The following CEP72 variants were observed in gnomAD, a reference collection of about 807,000 sequenced individuals.
CEP72 encodes the protein centrosomal protein of 72 kDa.
CEP72 carries 78 observed loss-of-function variants against 65.7 expected under a neutral mutation model. The observed-to-expected ratio is 1.19, with a 90% CI of 0.99 to 1.43. The LOEUF (loss-of-function observed/expected upper bound fraction) is 1.43, where lower values mean the gene tolerates loss of function less well. CEP72 is among the 40% of genes most tolerant of loss of function. CEP72 has a pLI of 0.00. For missense variants in CEP72, 914 were observed against 832.9 expected, an observed-to-expected ratio of 1.10 and a Z score of -1.20; for synonymous variants, 358 against 351.7, an observed-to-expected ratio of 1.02 and a Z score of -0.20.
At chr5:667,321 A>G (rs896167066), downstream of CEP72, among the ~76,000 whole-genome samples, 44 of 151,682 alleles carry the variant, frequency 2.9e-4, no homozygotes, top group South Asian at 1.0e-3. Context: ...GCCAGAGAGA[A>G]AGGACTGTTT....
downstream of CEP72, among the ~76,000 whole-genome samples, chr5:667,508 G>T (rs941747432): frequency 1.3e-5 from 2 of 152,162 alleles, no homozygotes; most frequent in African/African-American, 4.8e-5. Flanking sequence ...GTTAGGCGAA[G>T]ATTTCTTAGA....
At chr5:669,680 T>TC (rs1404835135), downstream of CEP72, among the ~76,000 whole-genome samples, 1 of 151,374 alleles carries the variant, frequency 6.6e-6, no homozygotes, top group African/African-American at 2.4e-5. Flanking sequence ...GCTGAGGGGC[T>TC]CCCCCATCAG....
intron 4 of CEP72, among the ~76,000 whole-genome samples, chr5:628,687 G>A (rs1339832576): frequency 7.9e-5 from 6 of 75,508 alleles, no homozygotes; most frequent in East Asian, 4.4e-4. Context: ...TCAGGTCACA[G>A]GCCCCGGGGA....
rs554790415 is a variant in CEP72 at position 640,743 on chromosome 5, C to T, written c.1539+139C>T. ...CAGCCCCATGTCTCCACTCCCTGCC[C>T]GGGACCCGGCCACCCCCGGAACGCG... On this transcript the variant is annotated intron_variant, in intron 9 of 11. Transcript: ENST00000264935. The T allele has an allele frequency of 2.2e-5, 31 of 1,436,906 alleles. No individual in the cohort carries two copies. The South Asian group carries it at 3.0e-4, about 14-fold the overall frequency. 89.0% of individuals were successfully genotyped at this position (1,436,906 alleles called of 1,614,324 possible). A position where few individuals can be genotyped will look rare whatever the true frequency, so the allele number is the denominator to read the frequency against.
chr5:637,595 C>T lies in CEP72; in HGVS notation c.983C>T (p.Ala328Val), dbSNP rs758151630. 1.2e-6 allele frequency: 2 copies of T among 1,614,004 alleles called. No homozygotes were observed. Among genetic ancestry groups the T allele is most frequent in the South Asian group, 2.2e-5 (2 of 91,086 alleles). ...GAAATGGTGCCTGGTCCCCTGCCAG[C>T]CCCCGGAAAGTGCAGGAAGCGAAGA... ...SGEMVPGPLP[A>V]PGKCRKRRMP... The change falls in exon 7 of 12, where the codon GCC becomes GTC. Residue 328 changes from alanine (A) to valine (V), a missense_variant. Coordinates refer to ENST00000264935, the MANE Select transcript of CEP72 (RefSeq NM_018140.4).
At position 652,979 on chromosome 5, in the gene CEP72, G is replaced by T; in HGVS notation, c.1779-9G>T. The T allele has an allele frequency of 6.3e-7, 1 of 1,599,090 alleles. No homozygotes were observed. The highest frequency in any genetic ancestry group is 1.1e-5 in the South Asian group (1 of 89,114). On this transcript the variant is annotated splice_polypyrimidine_tract_variant and intron_variant, in intron 11 of 11. Coordinates refer to ENST00000264935, the MANE Select transcript of CEP72 (RefSeq NM_018140.4). ...AGTGCCAAGCAGCCGCTTCCCTGTT[G>T]TTCTGCAGCTCCCTGGTCAGCACCA... is the stretch of plus-strand genomic sequence containing the variant.
In CEP72 at chr5:633,925, G is replaced by C. The variant is rs529498154; in HGVS notation, c.669G>C (p.Glu223Asp). Residue 223 changes from glutamate to aspartate, a missense_variant, in exon 5 of 12, where the codon GAG becomes GAC. Transcript: ENST00000264935. The stretch of plus-strand genomic sequence containing the variant: ...CGAGCTTCAGCCAGAAGGGGCGTGA[G>C]GCCGACTCTCGTGGTTCCCAAGGTG... ...GSTSFSQKGR[E>D]ADSRGSQESR... 1.2e-5 allele frequency: 20 copies of C among 1,612,546 alleles called. No homozygotes were observed. In the East Asian group the frequency reaches 4.0e-4, roughly 32 times the overall value.
At chr5:643,554 G>C (rs1000456376) in intron 9 of CEP72, 1 of 985,388 alleles carries the variant, frequency 1.0e-6, no homozygotes, top group East Asian at 1.1e-4. Flanking sequence ...CCCCCAGCAC[G>C]AGGCTTCTGC....
At chr5:622,004 C>T (rs1174204870) in intron 3 of CEP72, among the ~76,000 whole-genome samples, 1 of 152,224 alleles carries the variant, frequency 6.6e-6, no homozygotes, top group Non-Finnish European at 1.5e-5. Flanking sequence ...GAACTCCTGG[C>T]CTCAAGTCAT....
chr5:634,564 C>T (rs1212952566), intron 5 of CEP72, among the ~76,000 whole-genome samples: 1 of 152,228 alleles, frequency 6.6e-6, no homozygotes, highest in Non-Finnish European at 1.5e-5. Flanking sequence ...CTTGCCGGCA[C>T]TGGGAGCTGA....
the CEP72 span, among the ~76,000 whole-genome samples, chr5:673,891 C>T: frequency 3.9e-5 from 6 of 152,246 alleles, no homozygotes; most frequent in Non-Finnish European, 2.9e-5. Context: ...AAATGAGCCA[C>T]AGCCACCCAG....
chr5:641,695 C>G, intron 9 of CEP72: 6 of 984,838 alleles, frequency 6.1e-6, no homozygotes, highest in Non-Finnish European at 7.2e-6. Context: ...GGTCCCCATC[C>G]CCCGTCCAGA....
chr5:666,015 C>G, exon 4 of CEP72: 1 of 1,578,366 alleles, frequency 6.3e-7, no homozygotes, highest in Non-Finnish European at 8.6e-7. Flanking sequence ...TGAGCCTGTG[C>G]ACCTCGCGAA....
chr5:656,631 C>T (rs1203787220), downstream of CEP72, among the ~76,000 whole-genome samples: 7 of 152,290 alleles, frequency 4.6e-5, no homozygotes, highest in African/African-American at 1.7e-4. Context: ...TTGTATCCGG[C>T]AGTCTAGTAA....
At chr5:616,167 T>A (rs910208372) in intron 1 of CEP72, among the ~76,000 whole-genome samples, 1 of 152,192 alleles carries the variant, frequency 6.6e-6, no homozygotes, top group African/African-American at 2.4e-5. Flanking sequence ...TTGAAAAAAT[T>A]TTTTCAGCAG....
the CEP72 span, among the ~76,000 whole-genome samples, chr5:675,021 C>CG: frequency 7.3e-5 from 5 of 68,648 alleles, no homozygotes; most frequent in Admixed American, 6.5e-4. Context: ...ACAGTGTGGC[C>CG]GGGGGAGCAG....
the CEP72 span, among the ~76,000 whole-genome samples, chr5:673,569 G>T: frequency 0.01 from 1,533 of 152,218 alleles, 29 homozygotes; most frequent in African/African-American, 0.035. Flanking sequence ...GCCCACTCAC[G>T]GTGCCCAGCC....
rs184024770 is a variant in CEP72 at position 646,491 on chromosome 5, G to A, written c.1667-1314G>A. On this transcript the variant is annotated intron_variant, in intron 10 of 11. Coordinates refer to ENST00000264935, the MANE Select transcript of CEP72 (RefSeq NM_018140.4). ...AGGTTTTCTGACCTCATGGATCAAG[G>A]ATAGGGCAGCCTCCTTCTGGGGATT... 2.4e-3 allele frequency among the ~76,000 whole-genome samples: 363 copies of A among 152,270 alleles called. 1 individual carries two copies. Among genetic ancestry groups the A allele is most frequent in the Non-Finnish European group, 3.8e-3 (260 of 68,014 alleles).
At chr5:674,091 C>T in the CEP72 span, among the ~76,000 whole-genome samples, 7 of 152,378 alleles carry the variant, frequency 4.6e-5, 1 homozygote, top group East Asian at 1.9e-4. Context: ...GCAGGGCTGA[C>T]GGCCCCTGGA....
Sources: allele counts gnomAD v4.1 joint callset (sites outside exome capture counted in the v4.1 genomes callset), GRCh38; gene constraint gnomAD v4.1.1; transcripts MANE v1.5; gene names NCBI Gene and HGNC (gene_info 2026-07-23, HGNC 2026-07-21).